KATNIP: variants seen among roughly 807,000 people sequenced by gnomAD.
KATNIP encodes the protein katanin interacting protein.
In KATNIP, 126 loss-of-function variants were observed where a neutral mutation model predicts 174.0. That is an observed-to-expected ratio of 0.72 (90% CI 0.63 to 0.84). The LOEUF is 0.84. Ranked by LOEUF, KATNIP falls within the 40% of genes least tolerant of loss-of-function variation. KATNIP has a pLI of 0.00. For missense variants in KATNIP, 1,958 were observed against 2,109.7 expected, an observed-to-expected ratio of 0.93 and a Z score of 1.41; for synonymous variants, 810 against 835.7, an observed-to-expected ratio of 0.97 and a Z score of 0.53.
At chr16:27,711,005 A>G (rs1348138872) in intron 13 of KATNIP, among the ~76,000 whole-genome samples, 3 of 152,016 alleles carry the variant, frequency 2.0e-5, no homozygotes, top group African/African-American at 7.3e-5. Flanking sequence ...AAAATGGGAG[A>G]TTGGGTCAAT....
chr16:27,591,939 C>T (rs904673595), intron 2 of KATNIP, among the ~76,000 whole-genome samples: 2 of 152,114 alleles, frequency 1.3e-5, no homozygotes, highest in African/African-American at 4.8e-5. Context: ...TTGCTCTATC[C>T]GTAACCTGAA....
chr16:27,669,825 G>A (rs550573141), intron 6 of KATNIP, among the ~76,000 whole-genome samples: 3 of 150,396 alleles, frequency 2.0e-5, no homozygotes, highest in African/African-American at 7.3e-5. Context: ...TTTCTTTGGG[G>A]AGAGGGAATT....
At chr16:27,699,681 A>G in intron 10 of KATNIP, 82 bp downstream of exon 10, 1 of 1,590,468 alleles carries the variant, frequency 6.3e-7, no homozygotes, top group Non-Finnish European at 8.6e-7. Context: ...TGAATGACAA[A>G]GCCCTATGCA....
intron 2 of KATNIP, among the ~76,000 whole-genome samples, chr16:27,576,114 C>G (rs181021435): frequency 6.6e-6 from 1 of 152,268 alleles, no homozygotes. Context: ...CATCCTATTT[C>G]TCCACATTAA....
intron 24 of KATNIP, 35 bp downstream of exon 24, chr16:27,775,119 C>G: frequency 6.3e-7 from 1 of 1,596,380 alleles, no homozygotes; most frequent in African/African-American, 1.3e-5. Context: ...CAGCTCCTGG[C>G]CCTCAGGCGG....
chr16:27,682,084 A>C (rs1242713386), intron 8 of KATNIP, among the ~76,000 whole-genome samples: 1 of 152,220 alleles, frequency 6.6e-6, no homozygotes, highest in African/African-American at 2.4e-5. Context: ...GTTATCATTG[A>C]AAATTTCTTT....
chr16:27,739,967 A>G, intron 14 of KATNIP, 74 bp from the exon 15 acceptor site: 1 of 1,468,646 alleles, frequency 6.8e-7, no homozygotes, highest in Middle Eastern at 1.8e-4. Flanking sequence ...TTTTTTTGGT[A>G]TCTTCGACTT....
At chr16:27,761,997 G>A (rs964328050) in intron 19 of KATNIP, among the ~76,000 whole-genome samples, 1 of 152,236 alleles carries the variant, frequency 6.6e-6, no homozygotes, top group Non-Finnish European at 1.5e-5. Flanking sequence ...CCCTCCTTGA[G>A]GTTAGAGGTG....
intron 14 of KATNIP, among the ~76,000 whole-genome samples, chr16:27,737,194 A>G (rs2080927751): frequency 6.6e-6 from 1 of 152,126 alleles, no homozygotes; most frequent in Admixed American, 6.5e-5. Flanking sequence ...CCTGGACAAC[A>G]TAGTGAGACC....
intron 5 of KATNIP, among the ~76,000 whole-genome samples, chr16:27,639,190 C>T (rs1195529119): frequency 6.6e-6 from 1 of 152,222 alleles, no homozygotes; most frequent in Non-Finnish European, 1.5e-5. Context: ...TGGCTCCTGG[C>T]CAAGAAGCCG....
At chr16:27,657,638 G>A (rs781692760) in intron 6 of KATNIP, among the ~76,000 whole-genome samples, 7 of 151,930 alleles carry the variant, frequency 4.6e-5, no homozygotes, top group Non-Finnish European at 7.4e-5. Context: ...AAGGCCAGAC[G>A]CAGTGGCTTA....
At chr16:27,697,224 T>A (rs1331238627) in intron 8 of KATNIP, among the ~76,000 whole-genome samples, 7 of 152,200 alleles carry the variant, frequency 4.6e-5, no homozygotes, top group African/African-American at 1.7e-4. Context: ...CTTTGAGGAA[T>A]CGCCATGCTG....
intron 2 of KATNIP, among the ~76,000 whole-genome samples, chr16:27,604,306 C>A (rs1020695193): frequency 6.6e-6 from 1 of 152,048 alleles, no homozygotes; most frequent in Admixed American, 6.6e-5. Context: ...CACTGTGTTA[C>A]CCAGGCTAGT....
intron 19 of KATNIP, among the ~76,000 whole-genome samples, chr16:27,765,285 G>A (rs531738447): frequency 3.9e-4 from 59 of 152,372 alleles, no homozygotes; most frequent in African/African-American, 1.0e-3. Flanking sequence ...GCAGTCCGGG[G>A]AAGCGAGAGG....
At chr16:27,669,140 CTT>C (rs2077795243) in intron 6 of KATNIP, among the ~76,000 whole-genome samples, 1 of 152,208 alleles carries the variant, frequency 6.6e-6, no homozygotes, top group African/African-American at 2.4e-5. Context: ...ATTGCAAAAA[CTT>C]CATGTTTGAT....
chr16:27,570,134 C>T (rs2090233764), intron 1 of KATNIP, among the ~76,000 whole-genome samples: 1 of 152,116 alleles, frequency 6.6e-6, no homozygotes, highest in African/African-American at 2.4e-5. Flanking sequence ...TTGCTGCTTG[C>T]AGAGTTCGGT....
intron 2 of KATNIP, among the ~76,000 whole-genome samples, chr16:27,604,135 G>A (rs532654436): frequency 2.6e-5 from 4 of 152,246 alleles, no homozygotes; most frequent in African/African-American, 4.8e-5. Context: ...GTCTCACTCT[G>A]TCACCCAGGC....
In KATNIP at chr16:27,761,543, C is replaced by T. The variant is rs1383993042; in HGVS notation, c.3762C>T (p.Asp1254=). 3 of 1,614,128 alleles carry T rather than the reference C, an allele frequency of 1.9e-6. No homozygotes were observed. In the Admixed American group the frequency reaches 5.0e-5, roughly 27 times the overall value. The change falls in exon 19 of 28, where the codon GAC becomes GAT. Residue 1254 remains aspartate (D), a synonymous_variant. Transcript: ENST00000261588. ...HLHQISASPR[D]LNELPEYSDD... ...ACCAGATCTCTGCTTCCCCCAGAGA[C>T]TTAAATGAGCTCCCCGAGTACTCTG... is the stretch of plus-strand genomic sequence containing the variant.
At chr16:27,557,409 G>A (rs2089674392) in intron 1 of KATNIP, among the ~76,000 whole-genome samples, 2 of 148,870 alleles carry the variant, frequency 1.3e-5, no homozygotes, top group South Asian at 4.3e-4. Flanking sequence ...GCCTCCTAAA[G>A]TGCTACGGTT....
Sources: allele counts gnomAD v4.1 joint callset (sites outside exome capture counted in the v4.1 genomes callset), GRCh38; gene constraint gnomAD v4.1.1; transcripts MANE v1.5; gene names NCBI Gene and HGNC (gene_info 2026-07-23, HGNC 2026-07-21).